ARHGEF10: variants seen among roughly 807,000 people sequenced by gnomAD.
ARHGEF10 encodes Rho guanine nucleotide exchange factor 10.
Under a neutral mutation model 147.4 loss-of-function variants are expected in ARHGEF10, and 140 were observed. The observed-to-expected ratio is 0.95, with a 90% confidence interval of 0.83 to 1.09. The LOEUF is 1.09. Ranked by LOEUF, ARHGEF10 falls within the 50% of genes least tolerant of loss-of-function variation. The pLI is 0.00. For synonymous variants in ARHGEF10, 902 were observed against 695.8 expected, an observed-to-expected ratio of 1.30 and a Z score of -4.67; for missense variants, 2,222 against 1,752.7, an observed-to-expected ratio of 1.27 and a Z score of -4.78.
rs1808868500 is a variant in ARHGEF10 at position 1,888,104 on chromosome 8, T to TGAGGAGACACTTAGTGGGGTGAGGGTTGC, written c.1182+2424_1182+2425insGCGAGGAGACACTTAGTGGGGTGAGGGTT. ...GAGACACTAGGTAGGGTGAATGTTT[T>TGAGGAGACACTTAGTGGGGTGAGGGTTGC]GAGGAGACACTTAGTGGGGTGAGGG... On this transcript the variant is annotated intron_variant, in intron 11 of 28. Transcript: ENST00000349830. 1.6e-5 allele frequency among the ~76,000 whole-genome samples: 2 copies of TGAGGAGACACTTAGTGGGGTGAGGGTTGC among 125,048 alleles called. 1 individual carries two copies. Among genetic ancestry groups the TGAGGAGACACTTAGTGGGGTGAGGGTTGC allele is most frequent in the Admixed American group, 1.6e-4 (2 of 12,818 alleles). The allele number at this position is 125,048 out of a possible 152,430, so 82.0% of individuals were successfully genotyped here. A position where few individuals can be genotyped will look rare whatever the true frequency, so the allele number is the denominator to read the frequency against.
chr8:1,869,554 T>G, intron 7 of ARHGEF10: 1 of 510,026 alleles, frequency 2.0e-6, no homozygotes, highest in Non-Finnish European at 3.6e-6. Flanking sequence ...GCAATGTATA[T>G]CGAATAAATG....
chr8:1,878,769 C>G (rs1807921781), intron 8 of ARHGEF10, among the ~76,000 whole-genome samples: 1 of 152,180 alleles, frequency 6.6e-6, no homozygotes. Context: ...GGGCCCGTAT[C>G]CCAGAGGAGC....
chr8:1,911,906 T>C (rs944495242), intron 18 of ARHGEF10, among the ~76,000 whole-genome samples: 8 of 152,240 alleles, frequency 5.3e-5, no homozygotes, highest in African/African-American at 1.9e-4. Context: ...AGTGTTTGTT[T>C]CTTCCGGTTC....
intron 16 of ARHGEF10, among the ~76,000 whole-genome samples, chr8:1,904,675 C>T (rs550862874): frequency 2.6e-5 from 4 of 152,322 alleles, no homozygotes; most frequent in Admixed American, 2.6e-4. Flanking sequence ...ATGTCACCCA[C>T]ATGCCTCATC....
Position 1,937,376 on chromosome 8 carries a change from C to G in ARHGEF10, c.3222+3434C>G, listed in dbSNP as rs556768825. Among the ~76,000 whole-genome samples, 1 of 152,282 alleles carries G rather than the reference C, an allele frequency of 6.6e-6. No homozygotes were observed. The highest frequency in any genetic ancestry group is 1.5e-5 in the Non-Finnish European group (1 of 68,018). On this transcript the variant is annotated intron_variant, in intron 26 of 28. Coordinates refer to ENST00000349830, the MANE Select transcript of ARHGEF10 (RefSeq NM_014629.4). This position sits in a 1 kb window ranked among gnomAD's most constrained non-coding sequence, Gnocchi z 4.9. ...TAATTGCGTATTTACAGAGGGAGCT[C>G]AGCCATATAGTATACGGTGATCTTG...
intron 1 of ARHGEF10, chr8:1,825,975 G>T: frequency 1.4e-6 from 1 of 706,792 alleles, no homozygotes; most frequent in South Asian, 1.7e-5. Context: ...TATTCGAAAA[G>T]AGAGATGATT....
chr8:1,895,446 A>G (rs867744993), intron 13 of ARHGEF10, among the ~76,000 whole-genome samples: 28 of 152,204 alleles, frequency 1.8e-4, no homozygotes, highest in African/African-American at 6.0e-4. Context: ...TATGTACTTG[A>G]TGAGGTCTAT....
intron 28 of ARHGEF10, among the ~76,000 whole-genome samples, chr8:1,954,128 C>G (rs549705070): frequency 6.6e-6 from 1 of 152,090 alleles, no homozygotes; most frequent in East Asian, 1.9e-4. Context: ...TAGTCTCACT[C>G]TGGCACCCAG....
At chr8:1,829,573 G>C (rs1286340786) in intron 1 of ARHGEF10, among the ~76,000 whole-genome samples, 1 of 152,248 alleles carries the variant, frequency 6.6e-6, no homozygotes, top group Non-Finnish European at 1.5e-5. Flanking sequence ...CTGCCTCCAC[G>C]GAAGCCGCGG....
intron 26 of ARHGEF10, 134 bp from the exon 27 acceptor site, chr8:1,945,347 C>G: frequency 1.8e-6 from 2 of 1,106,226 alleles, no homozygotes; most frequent in Non-Finnish European, 2.6e-6. Flanking sequence ...CTGGAGACGC[C>G]TGTGATTTGG....
intron 26 of ARHGEF10, among the ~76,000 whole-genome samples, chr8:1,938,897 A>C (rs1474331535): frequency 6.7e-6 from 1 of 148,180 alleles, no homozygotes; most frequent in East Asian, 1.9e-4. Flanking sequence ...ACCCCCAAAC[A>C]CTGTGGAATC....
At chr8:1,954,405 G>A (rs143197386) in intron 28 of ARHGEF10, among the ~76,000 whole-genome samples, 344 of 152,068 alleles carry the variant, frequency 2.3e-3, no homozygotes, top group African/African-American at 7.8e-3. Flanking sequence ...CTCATTGGAG[G>A]AATTCAGATT....
At chr8:1,930,305 C>T (rs997572783) in intron 25 of ARHGEF10, among the ~76,000 whole-genome samples, 5 of 152,070 alleles carry the variant, frequency 3.3e-5, no homozygotes, top group Admixed American at 2.6e-4. Context: ...CCAGGCCATC[C>T]ACCACTTGTT....
chr8:1,853,083 A>C (rs116672565), intron 2 of ARHGEF10, among the ~76,000 whole-genome samples: 1 of 115,120 alleles, frequency 8.7e-6, no homozygotes, highest in Admixed American at 8.0e-5. Context: ...TGGGCCGGGC[A>C]CTGGCGGGTG....
chr8:1,916,412 C>T (rs927208869), intron 18 of ARHGEF10, among the ~76,000 whole-genome samples: 4 of 152,224 alleles, frequency 2.6e-5, no homozygotes, highest in East Asian at 1.9e-4. Context: ...GAATTTGAGA[C>T]ATGACATGTA....
intron 25 of ARHGEF10, among the ~76,000 whole-genome samples, chr8:1,933,544 G>C (rs1236253133): frequency 7.7e-6 from 1 of 129,496 alleles, no homozygotes; most frequent in Non-Finnish European, 1.6e-5. Context: ...ACATGGAGGG[G>C]ATAGGCAGGG....
chr8:1,907,176 G>A (rs949695088), intron 17 of ARHGEF10, among the ~76,000 whole-genome samples: 3 of 152,190 alleles, frequency 2.0e-5, no homozygotes, highest in Admixed American at 6.5e-5. Flanking sequence ...GTCTCCACCC[G>A]TTTCCCTGGT....
intron 16 of ARHGEF10, 84 bp from the exon 17 acceptor site, chr8:1,905,487 A>C: frequency 6.4e-7 from 1 of 1,562,382 alleles, no homozygotes; most frequent in Non-Finnish European, 8.8e-7. Flanking sequence ...AGTCACCCTG[A>C]GACTCCATAC....
In ARHGEF10 at chr8:1,850,168, AGGG is replaced by A. The variant is rs1471690030; in HGVS notation, c.37+6733_37+6735del. ...GTGTGGGGCGGCCACGTGGACACAG[AGGG>A]CAAATGCTGAGGAGGGCGTGGGGCG... On this transcript the variant is annotated intron_variant, in intron 2 of 28. Transcript: ENST00000349830. Among the ~76,000 whole-genome samples the A allele has an allele frequency of 1.8e-4, 25 of 142,328 alleles. 3 individuals carry two copies. Among genetic ancestry groups the A allele is most frequent in the East Asian group, 6.4e-4 (3 of 4,718 alleles). The allele number at this position is 142,328 out of a possible 152,430, so 93.4% of individuals were successfully genotyped here.
Sources: allele counts gnomAD v4.1 joint callset (sites outside exome capture counted in the v4.1 genomes callset), GRCh38; gene constraint gnomAD v4.1.1; non-coding constraint Gnocchi (gnomAD v3.1); transcripts MANE v1.5; gene names NCBI Gene and HGNC (gene_info 2026-07-23, HGNC 2026-07-21).